Variants in CEP250 observed in about 807,000 individuals in gnomAD.
The protein encoded by CEP250 is centrosomal protein 250, also known as centrosome-associated protein CEP250.
Under a neutral mutation model 315.7 loss-of-function variants are expected in CEP250, and 242 were observed. The observed-to-expected ratio is 0.77, with a 90% CI of 0.69 to 0.85. CEP250 has a LOEUF of 0.85. CEP250 is among the 40% of genes least tolerant of loss of function. The probability of loss-of-function intolerance (pLI) is 0.00; values close to 1 mark genes in which losing one functional copy is unlikely to be tolerated. For missense variants in CEP250, 2,515 were observed against 2,886.4 expected, an observed-to-expected ratio of 0.87 and a Z score of 2.95; for synonymous variants, 1,088 against 1,175.0, an observed-to-expected ratio of 0.93 and a Z score of 1.51.
At chr20:35,493,601 T>C in intron 23 of CEP250, 29 bp downstream of exon 23, 1 of 1,496,036 alleles carries the variant, frequency 6.7e-7, no homozygotes, top group Non-Finnish European at 8.9e-7. Flanking sequence ...CCAAGTCCCA[T>C]GGTCCTTCCC....
At chr20:35,480,590 C>CTTTTTTTTT (rs559422487) in intron 20 of CEP250, among the ~76,000 whole-genome samples, 1 of 122,164 alleles carries the variant, frequency 8.2e-6, no homozygotes, top group African/African-American at 3.2e-5. Context: ...TTTTTTATAT[C>CTTTTTTTTT]TTTTTTTTTT....
chr20:35,508,170 C>T lies in CEP250; in HGVS notation c.6886C>T (p.Leu2296=). Residue 2296 remains leucine (L), a synonymous_variant, in exon 32 of 35, where the codon CTG becomes TTG. Transcript: ENST00000397527. ...CAGGCTGCAGCGCCACAATGTCCAG[C>T]TGCGGAGTACCTTGGAGCAGGTGAC... The part of the protein sequence containing the change: ...RSRLQRHNVQ[L]RSTLEQVERE... 6.2e-7 allele frequency: 1 copy of T among 1,614,100 alleles called. No homozygotes were observed. Among genetic ancestry groups the T allele is most frequent in the Non-Finnish European group, 8.5e-7 (1 of 1,180,012 alleles).
chr20:35,503,101 G>T lies in CEP250; in HGVS notation c.4732G>T (p.Glu1578Ter), dbSNP rs2064064622. The T allele has an allele frequency of 1.2e-6, 2 of 1,614,054 alleles. No individual in the cohort carries two copies. Among genetic ancestry groups the T allele is most frequent in the Non-Finnish European group, 1.7e-6 (2 of 1,180,042 alleles). Residue 1578 changes from glutamate (E) to a stop codon, truncating the protein, a stop_gained, in exon 30 of 35, where the codon GAG becomes TAG. Transcript: ENST00000397527. LOFTEE classifies it high-confidence loss of function. This position sits in a 1 kb window ranked among gnomAD's most constrained non-coding sequence, Gnocchi z 4.2. ...GGAGTGCCAGCAAAAACTGATCAAG[G>T]AGCTGGAGGGCCAGAGGGAAACCCA... is the stretch of plus-strand genomic sequence containing the variant. Reference protein sequence around the residue: ...KMECQQKLIKELEGQRETQRV... With the variant: ...KMECQQKLIK
At chr20:35,468,679 G>A (rs2062951291) in intron 9 of CEP250, among the ~76,000 whole-genome samples, 1 of 151,978 alleles carries the variant, frequency 6.6e-6, no homozygotes, top group Non-Finnish European at 1.5e-5. Context: ...AATACATTTT[G>A]TTTCTTTGTT....
At chr20:35,499,978 G>A in intron 27 of CEP250, 71 bp from the exon 28 acceptor site, 1 of 1,592,126 alleles carries the variant, frequency 6.3e-7, no homozygotes. Flanking sequence ...AGAATGAGGA[G>A]AGAGCTTGAG....
In CEP250 at chr20:35,479,651, C is replaced by T; in HGVS notation, c.2294C>T (p.Ala765Val). The T allele has an allele frequency of 6.2e-7, 1 of 1,614,148 alleles. No individual in the cohort carries two copies. The highest frequency in any genetic ancestry group is 1.7e-4 in the Middle Eastern group (1 of 6,054). ...CTGATTCCTGAACCTCACAGCTCAG[C>T]CAAGGAGCTACTGGAGAGCAGTCTG... ...LAEQLQGLSS[A>V]KELLESSLFE... Residue 765 changes from alanine (A) to valine (V), a missense_variant, in exon 19 of 35, where the codon GCC becomes GTC. Transcript: ENST00000397527.
rs758255825 is a variant in CEP250, at chr20:35,490,694, A to G, written c.2644A>G (p.Arg882Gly). 1.2e-6 allele frequency: 2 copies of G among 1,613,874 alleles called. No homozygotes were observed. Among genetic ancestry groups the G allele is most frequent in the South Asian group, 1.1e-5 (1 of 91,068 alleles). ...ELAKALESLE[R>G]EKMELEMRLK... ...GGCAAAGGCTCTGGAGAGCTTAGAA[A>G]GGGAAAAAATGGAGCTGGAAATGAG... The change falls in exon 21 of 35, where the codon AGG becomes GGG. Residue 882 changes from arginine (R) to glycine (G), a missense_variant. By Grantham distance (125) the Arg-to-Gly change is moderately radical (BLOSUM62 -2). Transcript: ENST00000397527.
At chr20:35,466,727 A>G (rs1269674418) in intron 7 of CEP250, among the ~76,000 whole-genome samples, 1 of 152,156 alleles carries the variant, frequency 6.6e-6, no homozygotes, top group Admixed American at 6.5e-5. Context: ...GCTACCGTGT[A>G]TCCTTTTCTA....
chr20:35,495,167 A>C (rs1424401469), intron 24 of CEP250, among the ~76,000 whole-genome samples: 1 of 152,204 alleles, frequency 6.6e-6, no homozygotes, highest in Non-Finnish European at 1.5e-5. Context: ...GAGGCAGATA[A>C]AAGTTTACAG....
chr20:35,479,946 G>A (rs752927836), intron 19 of CEP250, 30 bp from the exon 20 acceptor site: 39 of 1,609,666 alleles, frequency 2.4e-5, no homozygotes, highest in Admixed American at 1.3e-4. Context: ...AGGAGGGGGC[G>A]GAGGCCTGAT....
intron 9 of CEP250, 21 bp downstream of exon 9, chr20:35,467,576 A>T: frequency 6.2e-7 from 1 of 1,611,024 alleles, no homozygotes; most frequent in Non-Finnish European, 8.5e-7. Flanking sequence ...CTGGGGTCCC[A>T]AGAAGGGTTC....
Position 35,503,069 on chromosome 20 carries a change from A to G in CEP250, c.4700A>G (p.His1567Arg), listed in dbSNP as rs1406400673. ...GCCCTGGAACTGGAGGAAAACCATC[A>G]CAAGATGGAGTGCCAGCAAAAACTG... ...CLALELEENH[H>R]KMECQQKLIK... The change falls in exon 30 of 35, where the codon CAC becomes CGC. Residue 1567 changes from histidine to arginine, a missense_variant. His to Arg is a conservative substitution (Grantham distance 29). Transcript: ENST00000397527. This position sits in a 1 kb window ranked among gnomAD's most constrained non-coding sequence, Gnocchi z 4.2. 1.9e-6 allele frequency: 3 copies of G among 1,614,070 alleles called. No homozygotes were observed. Among genetic ancestry groups the G allele is most frequent in the Admixed American group, 1.7e-5 (1 of 60,006 alleles).
chr20:35,509,358 G>C (rs2064289990), intron 33 of CEP250, among the ~76,000 whole-genome samples: 1 of 152,198 alleles, frequency 6.6e-6, no homozygotes, highest in African/African-American at 2.4e-5. Flanking sequence ...CCTGGTGTAT[G>C]GGGGTTGTGT....
At chr20:35,494,005 C>T (rs2147075042) in intron 23 of CEP250, among the ~76,000 whole-genome samples, 1 of 152,118 alleles carries the variant, frequency 6.6e-6, no homozygotes, top group East Asian at 1.9e-4. Flanking sequence ...GTGGGGGAGA[C>T]AGGATTTCAC....
At chr20:35,508,708 CTT>C (rs890509372) in intron 32 of CEP250, among the ~76,000 whole-genome samples, 17 of 152,242 alleles carry the variant, frequency 1.1e-4, no homozygotes, top group Non-Finnish European at 2.1e-4. Flanking sequence ...TGCAGGAGAA[CTT>C]TGCTGGCCTT....
At chr20:35,472,428 T>C (rs1338513320) in intron 11 of CEP250, among the ~76,000 whole-genome samples, 1 of 152,238 alleles carries the variant, frequency 6.6e-6, no homozygotes, top group African/African-American at 2.4e-5. Context: ...TCGTTTCTTC[T>C]TTCATTTCCT....
In CEP250 at chr20:35,501,962, C is replaced by G; in HGVS notation, c.4016C>G (p.Ala1339Gly). 1 of 1,611,788 alleles carries G rather than the reference C, an allele frequency of 6.2e-7. No homozygotes were observed. The highest frequency in any genetic ancestry group is 8.5e-7 in the Non-Finnish European group (1 of 1,179,844). The change falls in exon 29 of 35, where the codon GCC becomes GGC. Residue 1339 changes from alanine to glycine, a missense_variant. Ala to Gly is a moderately conservative substitution (Grantham distance 60). Coordinates refer to ENST00000397527, the MANE Select transcript of CEP250 (RefSeq NM_007186.6). Reference protein sequence around the residue: ...LRRAELQRMEAQGERELLQAA... With the variant: ...LRRAELQRMEGQGERELLQAA... ...AGAGCAGAGCTACAGCGAATGGAAG[C>G]CCAGGTAAAGTGGTACTGGTTTCAG...
chr20:35,479,753 A>C lies in CEP250; in HGVS notation c.2396A>C (p.Gln799Pro), dbSNP rs1395338319. The change falls in exon 19 of 35, where the codon CAA becomes CCA. Residue 799 changes from glutamine to proline, a missense_variant. Gln to Pro is a moderately conservative substitution (Grantham distance 76). Coordinates refer to ENST00000397527, the MANE Select transcript of CEP250 (RefSeq NM_007186.6). ...GAGGTCCAGATTCAAACTGTCACTCAAGCCAAGGAAGTAATCCAAGGTGAG... is the reference window on the plus strand; with the variant it reads ...GAGGTCCAGATTCAAACTGTCACTCCAGCCAAGGAAGTAATCCAAGGTGAG... ...QLEVQIQTVT[Q>P]AKEVIQGEVR... The C allele has an allele frequency of 6.2e-7, 1 of 1,614,190 alleles. No homozygotes were observed. The highest frequency in any genetic ancestry group is 1.7e-5 in the Admixed American group (1 of 60,012).
At position 35,502,461 on chromosome 20, in the gene CEP250, C is replaced by A. The variant is rs149222052; in HGVS notation, c.4092C>A (p.Val1364=). 59 of 1,614,126 alleles carry A rather than the reference C, an allele frequency of 3.7e-5. No individual in the cohort carries two copies. In the African/African-American group the frequency reaches 7.7e-4, roughly 21 times the overall value. The change falls in exon 30 of 35, where the codon GTC becomes GTA. Residue 1364 remains valine, a synonymous_variant. Coordinates refer to ENST00000397527, the MANE Select transcript of CEP250 (RefSeq NM_007186.6). ...TAQVEHLQAA[V]VEARAQASAA... The stretch of plus-strand genomic sequence containing the variant: ...AGGTGGAACACCTGCAAGCAGCTGT[C>A]GTAGAAGCCAGGGCTCAGGCAAGTG...
Sources: allele counts gnomAD v4.1 joint callset (sites outside exome capture counted in the v4.1 genomes callset), GRCh38; gene constraint gnomAD v4.1.1; non-coding constraint Gnocchi (gnomAD v3.1); transcripts MANE v1.5; gene names NCBI Gene and HGNC (gene_info 2026-07-23, HGNC 2026-07-21).